PPFIBP1: variants seen among roughly 807,000 people sequenced by gnomAD.
PPFIBP1 encodes liprin-beta-1.
A neutral mutation model predicts 137.8 loss-of-function variants in PPFIBP1; 112 were observed. That is an observed-to-expected ratio of 0.81 (90% CI 0.70 to 0.95). The LOEUF (loss-of-function observed/expected upper bound fraction) is 0.95, where lower values mean the gene tolerates loss of function less well. Ranked by LOEUF, PPFIBP1 falls within the 40% of genes least tolerant of loss-of-function variation. The pLI, the probability that PPFIBP1 is intolerant of heterozygous loss-of-function variation, is 0.00. For synonymous variants in PPFIBP1, 378 were observed against 417.3 expected (o/e 0.91, Z 1.15); for missense variants, 1,083 against 1,196.6 (o/e 0.91, Z 1.40).
chr12:27,613,993 T>G (rs1271092689), intron 2 of PPFIBP1, among the ~76,000 whole-genome samples: 1 of 152,178 alleles, frequency 6.6e-6, no homozygotes, highest in Non-Finnish European at 1.5e-5. Context: ...GTGGCTACTC[T>G]AGGACTAATC....
In PPFIBP1 at chr12:27,694,057, A is replaced by AT; in HGVS notation, c.*1176dup. 6.6e-6 allele frequency: 1 copy of AT among 152,152 alleles called. No individual in the cohort carries two copies. The highest frequency in any genetic ancestry group is 1.9e-4 in the East Asian group (1 of 5,172). 9.4% of individuals were successfully genotyped at this position (152,152 alleles called of 1,614,324 possible). Reference sequence around the variant, plus strand: ...CATGCTGGAGTGCAGTGGCGTGATCATAGCTCACTGCAGCCTTGAATTCCT... The same window carrying AT: ...CATGCTGGAGTGCAGTGGCGTGATCATTAGCTCACTGCAGCCTTGAATTCCT... On this transcript the variant is annotated 3_prime_UTR_variant, in exon 30 of 30. Coordinates refer to ENST00000228425, the MANE Select transcript of PPFIBP1 (RefSeq NM_003622.4).
At chr12:27,536,117 G>T (rs1330359277) in intron 1 of PPFIBP1, among the ~76,000 whole-genome samples, 1 of 152,200 alleles carries the variant, frequency 6.6e-6, no homozygotes. Flanking sequence ...CCACCTGCCT[G>T]CTTACTCAGT....
intron 7 of PPFIBP1, among the ~76,000 whole-genome samples, chr12:27,652,484 G>T (rs2058933852): frequency 6.6e-6 from 1 of 152,210 alleles, no homozygotes; most frequent in South Asian, 2.1e-4. Context: ...GAAATTGATT[G>T]AAATAGTTTG....
intron 2 of PPFIBP1, among the ~76,000 whole-genome samples, chr12:27,579,690 C>T (rs552454655): frequency 2.6e-5 from 4 of 152,208 alleles, no homozygotes; most frequent in South Asian, 2.1e-4. Context: ...TTACTAATAG[C>T]GCTTCTATGA....
intron 1 of PPFIBP1, among the ~76,000 whole-genome samples, chr12:27,529,357 GA>G (rs1341648324): frequency 6.6e-6 from 1 of 152,228 alleles, no homozygotes; most frequent in African/African-American, 2.4e-5. Context: ...TTCACCTGGT[GA>G]AAGAGGTACT....
chr12:27,618,559 A>G (rs993601613), intron 2 of PPFIBP1, among the ~76,000 whole-genome samples: 3 of 152,236 alleles, frequency 2.0e-5, no homozygotes, highest in African/African-American at 7.2e-5. Context: ...CCAATTGCCA[A>G]TCAGAAATTC....
chr12:27,593,129 C>CAAAAAAAAA (rs33939858), intron 2 of PPFIBP1, among the ~76,000 whole-genome samples: 29 of 100,914 alleles, frequency 2.9e-4, no homozygotes, highest in East Asian at 9.8e-4. Context: ...AAGAATGTCT[C>CAAAAAAAAA]AAAAAAAAAA....
intron 1 of PPFIBP1, among the ~76,000 whole-genome samples, chr12:27,559,663 ACT>A (rs2049001198): frequency 6.6e-6 from 1 of 152,008 alleles, no homozygotes; most frequent in South Asian, 2.1e-4. Flanking sequence ...CAGTACCAAA[ACT>A]CTCTGTGATT....
chr12:27,617,110 A>C (rs2055845290), intron 2 of PPFIBP1, among the ~76,000 whole-genome samples: 1 of 152,196 alleles, frequency 6.6e-6, no homozygotes, highest in African/African-American at 2.4e-5. Flanking sequence ...AACGGAGGGC[A>C]GGAATTGAAG....
At chr12:27,531,484 G>A (rs1330620579) in intron 1 of PPFIBP1, among the ~76,000 whole-genome samples, 1 of 146,926 alleles carries the variant, frequency 6.8e-6, no homozygotes, top group African/African-American at 2.5e-5. Context: ...TGTATTTTTA[G>A]TAGAGACAGG....
chr12:27,603,125 T>C (rs1176784031), intron 2 of PPFIBP1, among the ~76,000 whole-genome samples: 4 of 152,202 alleles, frequency 2.6e-5, no homozygotes, highest in Admixed American at 2.6e-4. Context: ...CTCCTCGCTC[T>C]CTGTTGGAAT....
chr12:27,547,402 G>A (rs567212687), intron 1 of PPFIBP1: 1 of 152,336 alleles, frequency 6.6e-6, no homozygotes, highest in African/African-American at 2.4e-5. Flanking sequence ...GCTGTATGAC[G>A]AGTATTTTTC....
chr12:27,610,883 T>TC (rs2055025463), intron 2 of PPFIBP1, among the ~76,000 whole-genome samples: 1 of 151,874 alleles, frequency 6.6e-6, no homozygotes, highest in Non-Finnish European at 1.5e-5. Flanking sequence ...TTCAGTTATT[T>TC]TTCTTTTTTT....
At chr12:27,566,442 T>C (rs1344169640) in intron 1 of PPFIBP1, among the ~76,000 whole-genome samples, 2 of 152,018 alleles carry the variant, frequency 1.3e-5, no homozygotes, top group Non-Finnish European at 2.9e-5. Flanking sequence ...AGAAGTACTG[T>C]TCTAGACAGA....
chr12:27,612,693 C>T (rs748859228), intron 2 of PPFIBP1, among the ~76,000 whole-genome samples: 10 of 152,064 alleles, frequency 6.6e-5, no homozygotes, highest in Non-Finnish European at 1.2e-4. Flanking sequence ...TCCCGCAGCA[C>T]GTCATGTGCT....
Position 27,633,476 on chromosome 12 carries a change from T to G in PPFIBP1, c.64+16T>G, listed in dbSNP as rs565825667. 6.2e-7 allele frequency: 1 copy of G among 1,606,828 alleles called. No individual in the cohort carries two copies. Among genetic ancestry groups the G allele is most frequent in the Non-Finnish European group, 8.5e-7 (1 of 1,176,498 alleles). ...ATCATAGCAGGTGATCTGCATCCTG[T>G]GAAAGACAGAATCACAACATTTACT... On this transcript the variant is annotated intron_variant, in intron 3 of 29. Coordinates refer to ENST00000228425, the MANE Select transcript of PPFIBP1 (RefSeq NM_003622.4).
At chr12:27,687,964 G>A (rs1438905537) in intron 25 of PPFIBP1, among the ~76,000 whole-genome samples, 1 of 152,008 alleles carries the variant, frequency 6.6e-6, no homozygotes. Flanking sequence ...GCACGCTGGT[G>A]GTCCCAGCTA....
chr12:27,611,976 G>C (rs965875386), intron 2 of PPFIBP1, among the ~76,000 whole-genome samples: 1 of 152,192 alleles, frequency 6.6e-6, no homozygotes, highest in African/African-American at 2.4e-5. Context: ...GTAATTCGTT[G>C]ATCTGTAGTG....
At chr12:27,611,306 G>A (rs1592838557) in intron 2 of PPFIBP1, among the ~76,000 whole-genome samples, 1 of 152,168 alleles carries the variant, frequency 6.6e-6, no homozygotes, top group African/African-American at 2.4e-5. Context: ...TGAGGGCCAG[G>A]AGGGAAGGAT....
Sources: gnomAD v4.1 joint callset for allele counts (sites outside exome capture counted in the v4.1 genomes callset) on GRCh38, gnomAD v4.1.1 for gene constraint, MANE v1.5 for transcripts, NCBI Gene and HGNC (gene_info 2026-07-23, HGNC 2026-07-21) for gene names.